The following PSMC1 variants were observed in gnomAD, a reference collection of about 807,000 sequenced individuals.
The protein encoded by PSMC1 is proteasome 26S subunit, ATPase 1.
In PSMC1, 5 loss-of-function variants were observed where a neutral mutation model predicts 49.8. That is an observed-to-expected ratio of 0.10 (90% CI 0.05 to 0.21). PSMC1 has a LOEUF of 0.21. Among genes scored for constraint, PSMC1 ranks in the 10% least tolerant of loss-of-function variants. The pLI, the probability that PSMC1 is intolerant of heterozygous loss-of-function variation, is 1.00. For synonymous variants in PSMC1, 155 were observed against 192.1 expected (o/e 0.81, Z 1.60); for missense variants, 181 against 535.7 (o/e 0.34, Z 6.54).
chr14:90,268,086 C>G, intron 7 of PSMC1, 138 bp from the exon 8 acceptor site: 1 of 631,364 alleles, frequency 1.6e-6, no homozygotes, highest in Non-Finnish European at 2.7e-6. Context: ...AATGTCGTGA[C>G]ACTTGAATTG....
chr14:90,271,561 T>C (rs187232848), intron 10 of PSMC1: 1 of 152,222 alleles, frequency 6.6e-6, no homozygotes, highest in Non-Finnish European at 1.5e-5. Flanking sequence ...CCAGAATACA[T>C]GTTCTTTTAT....
rs751957302 is a variant in PSMC1, at chr14:90,260,237, T to C, written c.154+26T>C. ...GTAATGACATGGCTTCTCCTTGCCA[T>C]CTTTCCAGTTCTTAGGATAAACCAT... On this transcript the variant is annotated intron_variant, in intron 3 of 10. Transcript: ENST00000261303. 26 of 1,506,318 alleles carry C rather than the reference T, an allele frequency of 1.7e-5. No homozygotes were observed. In the East Asian group the frequency reaches 5.6e-4, roughly 33 times the overall value. 93.3% of individuals were successfully genotyped at this position (1,506,318 alleles called of 1,614,324 possible).
chr14:90,263,596 C>T lies in PSMC1; in HGVS notation c.280-66C>T, dbSNP rs953145787. On this transcript the variant is annotated intron_variant, in intron 4 of 10. Transcript: ENST00000261303. ...AGCATCGGCTGCTTTGTAAATCTAG[C>T]GAACTATCAGGATCATCTACTTTGA... The T allele has an allele frequency of 5.8e-6, 9 of 1,548,956 alleles. No homozygotes were observed. The East Asian group carries it at 6.8e-5, about 12-fold the overall frequency.
In PSMC1 at chr14:90,272,352, A is replaced by G. The variant is rs1169244113; in HGVS notation, c.1268A>G (p.Lys423Arg). Residue 423 changes from lysine to arginine, a missense_variant, in exon 11 of 11, where the codon AAA (lysine) becomes AGA (arginine). By Grantham distance (26) the Lys-to-Arg change is conservative (BLOSUM62 2). Coordinates refer to ENST00000261303, the MANE Select transcript of PSMC1 (RefSeq NM_002802.3). This position sits in a 1 kb window ranked among gnomAD's most constrained non-coding sequence, Gnocchi z 4.5. ...KVTNEDFKKS[K>R]ENVLYKKQEG... Reference sequence around the variant, plus strand: ...ACAAATGAAGACTTCAAAAAATCTAAAGAAAATGTTCTTTATAAGAAACAG... The same window carrying G: ...ACAAATGAAGACTTCAAAAAATCTAGAGAAAATGTTCTTTATAAGAAACAG... 1.2e-6 allele frequency: 2 copies of G among 1,602,794 alleles called. No individual in the cohort carries two copies. Among genetic ancestry groups the G allele is most frequent in the Admixed American group, 1.7e-5 (1 of 57,658 alleles).
intron 6 of PSMC1, 109 bp from the exon 7 acceptor site, chr14:90,264,961 A>T: frequency 1.2e-6 from 1 of 801,384 alleles, no homozygotes; most frequent in Non-Finnish European, 2.1e-6. Context: ...TAAGAAGAGT[A>T]ATTGAGATTT....
intron 1 of PSMC1, among the ~76,000 whole-genome samples, chr14:90,256,945 T>G (rs1007346647): frequency 6.6e-6 from 1 of 151,860 alleles, no homozygotes; most frequent in Non-Finnish European, 1.5e-5. Flanking sequence ...CGGGGGCGCC[T>G]CCTCGAGTCA....
At position 90,274,138 on chromosome 14, in the gene PSMC1, G is replaced by T. The variant is rs889312715; in HGVS notation, c.*1731G>T. The T allele has an allele frequency of 6.5e-6, 1 of 154,990 alleles. No individual in the cohort carries two copies. The highest frequency in any genetic ancestry group is 2.4e-5 in the African/African-American group (1 of 41,482). 9.6% of individuals were successfully genotyped at this position (154,990 alleles called of 1,614,324 possible). A position where few individuals can be genotyped will look rare whatever the true frequency, so the allele number is the denominator to read the frequency against. On this transcript the variant is annotated 3_prime_UTR_variant, in exon 11 of 11. Transcript: ENST00000261303. ...TGCAGGGTAAGGACGGGGTGCTTGT[G>T]GGGAGGGCGGGTGTCAGCCCAAGTA...
chr14:90,270,186 T>C lies in PSMC1; in HGVS notation c.1034-12T>C. ...GATGTTGGTGTGACTTCAAATCTCTTTGTACCTGCAGGCCGCATTGACAGG... is the reference window on the plus strand; with the variant it reads ...GATGTTGGTGTGACTTCAAATCTCTCTGTACCTGCAGGCCGCATTGACAGG... On this transcript the variant is annotated splice_polypyrimidine_tract_variant and intron_variant, in intron 9 of 10. Coordinates refer to ENST00000261303, the MANE Select transcript of PSMC1 (RefSeq NM_002802.3). 1.2e-6 allele frequency: 2 copies of C among 1,613,196 alleles called. No homozygotes were observed. The highest frequency in any genetic ancestry group is 1.7e-6 in the Non-Finnish European group (2 of 1,179,412).
intron 9 of PSMC1, 43 bp downstream of exon 9, chr14:90,269,591 T>C (rs555380296): frequency 1.3e-6 from 2 of 1,590,446 alleles, no homozygotes; most frequent in East Asian, 2.2e-5. Context: ...AATGTGTTTA[T>C]ATATTTGTGT....
At chr14:90,268,023 C>G in intron 7 of PSMC1, 1 of 488,556 alleles carries the variant, frequency 2.0e-6, no homozygotes, top group Non-Finnish European at 3.6e-6. Flanking sequence ...AAGGATAATC[C>G]AAACATGTTA....
At position 90,268,206 on chromosome 14, in the gene PSMC1, C is replaced by A. The variant is rs780611468; in HGVS notation, c.692-18C>A. ...CTTAAGGTGTCTTTTTTTTTTTTAT[C>A]TTTTTCATCCAAAATAGGTAAAACC... On this transcript the variant is annotated intron_variant, in intron 7 of 10. Transcript: ENST00000261303. The A allele has an allele frequency of 2.8e-6, 4 of 1,407,042 alleles. No homozygotes were observed. Among genetic ancestry groups the A allele is most frequent in the South Asian group, 1.6e-5 (1 of 62,730 alleles). 87.2% of individuals were successfully genotyped at this position (1,407,042 alleles called of 1,614,324 possible).
At chr14:90,264,017 T>C (rs1262948270) in intron 5 of PSMC1, 24 bp from the exon 6 acceptor site, 1 of 1,600,648 alleles carries the variant, frequency 6.2e-7, no homozygotes, top group Admixed American at 1.8e-5. Context: ...CGTTCCTGTG[T>C]TAAACCTTGA....
At chr14:90,262,245 T>C (rs1365464723) in intron 3 of PSMC1, among the ~76,000 whole-genome samples, 1 of 151,054 alleles carries the variant, frequency 6.6e-6, no homozygotes, top group East Asian at 1.9e-4. Flanking sequence ...CATGTATGCA[T>C]ATGTAACAAA....
At chr14:90,256,962 A>G (rs1243443448) in intron 1 of PSMC1, among the ~76,000 whole-genome samples, 1 of 152,242 alleles carries the variant, frequency 6.6e-6, no homozygotes, top group East Asian at 1.9e-4. Context: ...GTCACCGGGA[A>G]AAATGCTTTT....
chr14:90,272,255 C>T lies in PSMC1; in HGVS notation c.1189-18C>T. ...AAATGAGTATGTCACTTTCTGAACACACTCTTCTTTCTTACAGGCAATCTG... is the reference window on the plus strand; with the variant it reads ...AAATGAGTATGTCACTTTCTGAACATACTCTTCTTTCTTACAGGCAATCTG... On this transcript the variant is annotated intron_variant, in intron 10 of 10. Transcript: ENST00000261303. The surrounding 1 kb of genome is among the most constrained non-coding windows in gnomAD (Gnocchi z 4.5). The T allele has an allele frequency of 6.2e-7, 1 of 1,601,172 alleles. No homozygotes were observed.
At chr14:90,263,484 A>T in intron 4 of PSMC1, 42 bp downstream of exon 4, 1 of 1,520,780 alleles carries the variant, frequency 6.6e-7, no homozygotes, top group Non-Finnish European at 8.9e-7. Flanking sequence ...TTACAAATTG[A>T]ATTCTATAAA....
chr14:90,258,738 G>A (rs1181188627), intron 1 of PSMC1, among the ~76,000 whole-genome samples: 1 of 152,194 alleles, frequency 6.6e-6, no homozygotes, highest in East Asian at 1.9e-4. Flanking sequence ...ATTTTTGAGT[G>A]TGTAAAATGA....
At chr14:90,267,633 C>G (rs907159182) in intron 7 of PSMC1, 3 of 152,426 alleles carry the variant, frequency 2.0e-5, no homozygotes, top group Admixed American at 6.5e-5. Flanking sequence ...GCTGTCTGAG[C>G]TGGCAGCAAG....
At chr14:90,268,494 G>C (rs1891576301) in intron 8 of PSMC1, 81 bp downstream of exon 8, 1 of 1,375,498 alleles carries the variant, frequency 7.3e-7, no homozygotes, top group Non-Finnish European at 1.0e-6. Flanking sequence ...CAATCTCAGG[G>C]GGCTCTCCCT....
Sources: gnomAD v4.1 joint callset for allele counts (sites outside exome capture counted in the v4.1 genomes callset) on GRCh38, gnomAD v4.1.1 for gene constraint, Gnocchi (gnomAD v3.1) non-coding constraint, MANE v1.5 for transcripts, NCBI Gene and HGNC (gene_info 2026-07-23, HGNC 2026-07-21) for gene names.